Variants in AGBL4 observed in about 807,000 individuals in gnomAD.
AGBL4 encodes the protein cytosolic carboxypeptidase 6.
In AGBL4, 58 loss-of-function variants were observed where a neutral mutation model predicts 66.4. The ratio of observed to expected loss-of-function variants is 0.87; its 90% confidence interval spans 0.71 to 1.09. The LOEUF (loss-of-function observed/expected upper bound fraction) is 1.09. AGBL4 is among the 50% of genes least tolerant of loss of function. The pLI, the probability that AGBL4 is intolerant of heterozygous loss-of-function variation, is 0.00. For synonymous variants in AGBL4, 234 were observed against 222.9 expected (o/e 1.05, Z -0.44); for missense variants, 579 against 631.0 (o/e 0.92, Z 0.88).
At chr1:48,743,932 A>C (rs1650323799) in intron 6 of AGBL4, among the ~76,000 whole-genome samples, 1 of 152,236 alleles carries the variant, frequency 6.6e-6, no homozygotes, top group African/African-American at 2.4e-5. Context: ...TGAAAGACGA[A>C]GTCTCTGTAG....
rs142271221 is a variant in AGBL4 at position 49,275,936 on chromosome 1, C to T, written c.283-30072G>A. On this transcript the variant is annotated intron_variant, in intron 3 of 13. Transcript: ENST00000371839. ...GATGTGTAAACTACTCCGGAAAGCT[C>T]ACTTGAACATCTCAGTCAAACTATA... Among the ~76,000 whole-genome samples, 279 of 152,180 alleles carry T rather than the reference C, an allele frequency of 1.8e-3. 2 individuals are homozygous for T. The highest frequency in any genetic ancestry group is 6.4e-3 in the African/African-American group (264 of 41,544).
intron 3 of AGBL4, among the ~76,000 whole-genome samples, chr1:49,422,136 T>G (rs1191559225): frequency 6.6e-6 from 1 of 152,192 alleles, no homozygotes; most frequent in Non-Finnish European, 1.5e-5. Flanking sequence ...AGCCATAGAC[T>G]TTTTTAGACC....
chr1:48,950,527 C>T (rs962331282), intron 5 of AGBL4, among the ~76,000 whole-genome samples: 1 of 152,106 alleles, frequency 6.6e-6, no homozygotes, highest in Non-Finnish European at 1.5e-5. Flanking sequence ...ATATTTGATC[C>T]CTAGCTGTAT....
chr1:49,731,536 C>T (rs1056232882), intron 2 of AGBL4, among the ~76,000 whole-genome samples: 7 of 151,976 alleles, frequency 4.6e-5, no homozygotes, highest in Admixed American at 6.6e-5. Flanking sequence ...GTTTTAAATA[C>T]GTTAAATCTC....
chr1:48,815,153 C>A (rs1217211091), intron 6 of AGBL4, among the ~76,000 whole-genome samples: 1 of 152,158 alleles, frequency 6.6e-6, no homozygotes, highest in Non-Finnish European at 1.5e-5. Context: ...TGATTAATGA[C>A]ATTCAGCATT....
intron 11 of AGBL4, chr1:48,584,182 T>C (rs1003859378): frequency 6.6e-6 from 1 of 152,278 alleles, no homozygotes; most frequent in African/African-American, 2.4e-5. Context: ...TGGATTTTTA[T>C]AACAGCCTCC....
At chr1:49,449,490 C>T (rs1646231012) in intron 3 of AGBL4, among the ~76,000 whole-genome samples, 1 of 152,024 alleles carries the variant, frequency 6.6e-6, no homozygotes, top group South Asian at 2.1e-4. Flanking sequence ...CCCTCAGAGG[C>T]TGTGGATAGG....
intron 4 of AGBL4, chr1:49,174,728 CA>C (rs1646800376): frequency 6.6e-6 from 1 of 152,044 alleles, no homozygotes; most frequent in Admixed American, 6.5e-5. Flanking sequence ...CACTGATATG[CA>C]GATACATGTA....
intron 5 of AGBL4, among the ~76,000 whole-genome samples, chr1:49,036,952 T>C (rs1299644450): frequency 6.6e-6 from 1 of 151,444 alleles, no homozygotes; most frequent in Non-Finnish European, 1.5e-5. Flanking sequence ...TAGTGGGTCT[T>C]TCTTGTCACT....
intron 3 of AGBL4, among the ~76,000 whole-genome samples, chr1:49,514,591 C>G (rs562719693): frequency 6.6e-6 from 1 of 152,150 alleles, no homozygotes; most frequent in Non-Finnish European, 1.5e-5. Context: ...CAATCCGAAG[C>G]CAAAAGAACA....
intron 2 of AGBL4, among the ~76,000 whole-genome samples, chr1:49,829,712 T>A (rs1414102479): frequency 2.0e-5 from 3 of 152,096 alleles, no homozygotes; most frequent in Non-Finnish European, 4.4e-5. Context: ...TGGTTTGATG[T>A]ACCCATCAAC....
At chr1:49,217,022 G>T (rs1012553036) in intron 4 of AGBL4, among the ~76,000 whole-genome samples, 1 of 152,084 alleles carries the variant, frequency 6.6e-6, no homozygotes, top group African/African-American at 2.4e-5. Context: ...CAACTAGAGA[G>T]CCAGGATGTA....
intron 3 of AGBL4, among the ~76,000 whole-genome samples, chr1:49,292,463 C>T (rs149533183): frequency 1.3e-5 from 2 of 152,296 alleles, no homozygotes; most frequent in South Asian, 2.1e-4. Context: ...TCTGGACCCA[C>T]CCATGGCCAC....
intron 4 of AGBL4, among the ~76,000 whole-genome samples, chr1:49,150,994 C>T (rs1003620247): frequency 1.2e-4 from 18 of 151,938 alleles, no homozygotes; most frequent in African/African-American, 4.1e-4. Flanking sequence ...ATAGGCCAGG[C>T]GCGGTGGCTC....
At chr1:49,288,539 G>A (rs1202654922) in intron 3 of AGBL4, among the ~76,000 whole-genome samples, 1 of 152,108 alleles carries the variant, frequency 6.6e-6, no homozygotes, top group Non-Finnish European at 1.5e-5. Flanking sequence ...AAAATTCTGT[G>A]CAATTTTCCT....
intron 11 of AGBL4, 40 bp from the exon 12 acceptor site, chr1:48,539,778 T>C (rs1370569527): frequency 1.5e-6 from 2 of 1,359,308 alleles, no homozygotes; most frequent in East Asian, 2.7e-5. Context: ...CGAAAACAGA[T>C]TGAGACAGAG....
At chr1:49,647,456 G>A (rs1645911827) in intron 3 of AGBL4, among the ~76,000 whole-genome samples, 2 of 152,050 alleles carry the variant, frequency 1.3e-5, no homozygotes, top group Admixed American at 6.6e-5. Context: ...ACTCTTAATT[G>A]ATGAATTGCT....
chr1:49,716,588 TTGGCTTCATCCC>T (rs149530789), intron 2 of AGBL4, among the ~76,000 whole-genome samples: 1,667 of 152,190 alleles, frequency 0.011, 27 homozygotes, highest in African/African-American at 0.038. Context: ...CACAATCAAG[TTGGCTTCATCCC>T]TGGCATGCAA....
At chr1:48,732,281 T>C (rs1648265034) in intron 6 of AGBL4, among the ~76,000 whole-genome samples, 1 of 152,126 alleles carries the variant, frequency 6.6e-6, no homozygotes, top group Non-Finnish European at 1.5e-5. Context: ...TGTGGGCATC[T>C]GTGAAGAGAT....
Sources: gnomAD v4.1 joint callset for allele counts (sites outside exome capture counted in the v4.1 genomes callset) on GRCh38, gnomAD v4.1.1 for gene constraint, MANE v1.5 for transcripts, NCBI Gene and HGNC (gene_info 2026-07-23, HGNC 2026-07-21) for gene names.